The following KCNB2 variants were observed in gnomAD, a reference collection of about 807,000 sequenced individuals.
KCNB2 encodes the protein delayed rectifier potassium channel protein.
In KCNB2, 15 loss-of-function variants were observed where a neutral mutation model predicts 61.5. That is an observed-to-expected ratio of 0.24 (90% CI 0.16 to 0.38). KCNB2 has a LOEUF of 0.38. Ranked by LOEUF, KCNB2 falls within the 10% of genes least tolerant of loss-of-function variation. The pLI is 1.00. For missense variants in KCNB2, 828 were observed against 1,125.2 expected, an observed-to-expected ratio of 0.74 and a Z score of 3.78; for synonymous variants, 457 against 446.0, an observed-to-expected ratio of 1.02 and a Z score of -0.31.
intron 2 of KCNB2, among the ~76,000 whole-genome samples, chr8:72,591,220 C>A (rs74624819): frequency 0.012 from 1,871 of 152,136 alleles, 33 homozygotes; most frequent in African/African-American, 0.042. Flanking sequence ...CTTAGGCATT[C>A]GGAGGTTTAA....
At chr8:72,566,534 T>TAA (rs35033564) in intron 1 of KCNB2, among the ~76,000 whole-genome samples, 2 of 144,836 alleles carry the variant, frequency 1.4e-5, no homozygotes, top group Non-Finnish European at 3.0e-5. Context: ...ACCCTGTCTC[T>TAA]AAAAAAAAAA....
intron 2 of KCNB2, among the ~76,000 whole-genome samples, chr8:72,690,208 A>G (rs1264639510): frequency 6.6e-6 from 1 of 152,174 alleles, no homozygotes; most frequent in Non-Finnish European, 1.5e-5. Context: ...TGAATCGTAC[A>G]CTGTTTAGAA....
At chr8:72,742,876 T>A (rs1031909742) in intron 2 of KCNB2, among the ~76,000 whole-genome samples, 1 of 152,154 alleles carries the variant, frequency 6.6e-6, no homozygotes, top group Non-Finnish European at 1.5e-5. Flanking sequence ...TCTGTATTTT[T>A]AAAAAATGAT....
intron 2 of KCNB2, among the ~76,000 whole-genome samples, chr8:72,924,176 G>C (rs992498756): frequency 6.6e-6 from 1 of 152,170 alleles, no homozygotes; most frequent in African/African-American, 2.4e-5. Flanking sequence ...GGCTGGGAGA[G>C]GAGGTCAGGG....
chr8:72,605,746 T>G (rs1805435373), intron 2 of KCNB2, among the ~76,000 whole-genome samples: 1 of 152,192 alleles, frequency 6.6e-6, no homozygotes, highest in African/African-American at 2.4e-5. Context: ...TTTGTCAAGA[T>G]ATGTGGTTCA....
intron 2 of KCNB2, among the ~76,000 whole-genome samples, chr8:72,723,301 G>A (rs1024686184): frequency 2.0e-5 from 3 of 152,162 alleles, no homozygotes; most frequent in Non-Finnish European, 4.4e-5. Context: ...TGCACGAGGT[G>A]CTTATTTGAA....
chr8:72,538,406 G>A (rs983568682), intron 1 of KCNB2, among the ~76,000 whole-genome samples: 4 of 152,064 alleles, frequency 2.6e-5, no homozygotes, highest in African/African-American at 9.7e-5. Context: ...TTGGGAATAC[G>A]TTTGCCCTGA....
chr8:72,883,968 A>C (rs1260819316), intron 2 of KCNB2, among the ~76,000 whole-genome samples: 1 of 152,210 alleles, frequency 6.6e-6, no homozygotes, highest in Non-Finnish European at 1.5e-5. Flanking sequence ...TCACAATTGC[A>C]GCACTTTTTT....
chr8:72,553,346 A>C (rs16938236), intron 1 of KCNB2, among the ~76,000 whole-genome samples: 5,089 of 152,218 alleles, frequency 0.033, 127 homozygotes, highest in South Asian at 0.09. Context: ...CAAATAAAAA[A>C]ACTTTCCAAT....
At chr8:72,739,635 C>T (rs1471009116) in intron 2 of KCNB2, among the ~76,000 whole-genome samples, 1 of 151,834 alleles carries the variant, frequency 6.6e-6, no homozygotes, top group Non-Finnish European at 1.5e-5. Flanking sequence ...TTTGGTATGG[C>T]TGGGGCTTTG....
intron 2 of KCNB2, among the ~76,000 whole-genome samples, chr8:72,723,781 A>T (rs375051196): frequency 6.6e-6 from 1 of 152,348 alleles, no homozygotes; most frequent in African/African-American, 2.4e-5. Context: ...GACCCAAGAA[A>T]TGGTAGAATT....
intron 2 of KCNB2, among the ~76,000 whole-genome samples, chr8:72,761,062 TTA>T (rs1187631172): frequency 2.0e-5 from 3 of 152,178 alleles, no homozygotes; most frequent in African/African-American, 7.2e-5. Flanking sequence ...TCAAAAACCA[TTA>T]TGACTATCAA....
At chr8:72,801,080 C>T (rs968942500) in intron 2 of KCNB2, among the ~76,000 whole-genome samples, 1 of 152,134 alleles carries the variant, frequency 6.6e-6, no homozygotes, top group African/African-American at 2.4e-5. Flanking sequence ...TTTTCTGCCC[C>T]CTACCCCCAC....
intron 2 of KCNB2, among the ~76,000 whole-genome samples, chr8:72,893,910 A>G (rs766844277): frequency 1.1e-4 from 17 of 152,176 alleles, no homozygotes; most frequent in Non-Finnish European, 2.2e-4. Flanking sequence ...TCATGTGTAA[A>G]TCCAGTTGTC....
At chr8:72,883,023 G>A (rs1363985676) in intron 2 of KCNB2, among the ~76,000 whole-genome samples, 1 of 152,040 alleles carries the variant, frequency 6.6e-6, no homozygotes, top group Non-Finnish European at 1.5e-5. Flanking sequence ...ACCTGCCCAT[G>A]TCTGGATCCT....
At chr8:72,685,823 C>G (rs1806840774) in intron 2 of KCNB2, among the ~76,000 whole-genome samples, 1 of 152,090 alleles carries the variant, frequency 6.6e-6, no homozygotes, top group African/African-American at 2.4e-5. Context: ...AACCCTGTCT[C>G]TACGAAAAAT....
intron 2 of KCNB2, among the ~76,000 whole-genome samples, chr8:72,817,036 AT>A (rs1185171521): frequency 2.6e-5 from 4 of 152,274 alleles, no homozygotes; most frequent in Non-Finnish European, 5.9e-5. Flanking sequence ...CTGAAATCCA[AT>A]TTTTTGTACA....
At chr8:72,850,108 G>C (rs1310550081) in intron 2 of KCNB2, among the ~76,000 whole-genome samples, 1 of 152,016 alleles carries the variant, frequency 6.6e-6, no homozygotes, top group South Asian at 2.1e-4. Context: ...AGGGATGTTT[G>C]TATATAGATC....
intron 2 of KCNB2, among the ~76,000 whole-genome samples, chr8:72,630,250 T>C (rs534450516): frequency 6.6e-6 from 1 of 152,254 alleles, no homozygotes; most frequent in East Asian, 1.9e-4. Context: ...CCAGTTACCA[T>C]GGTTATAGGA....
Sources: gnomAD v4.1 joint callset for allele counts (sites outside exome capture counted in the v4.1 genomes callset) on GRCh38, gnomAD v4.1.1 for gene constraint, MANE v1.5 for transcripts, NCBI Gene and HGNC (gene_info 2026-07-23, HGNC 2026-07-21) for gene names.